The following DLG1 variants were observed in gnomAD, a reference collection of about 807,000 sequenced individuals.
The protein encoded by DLG1 is discs large MAGUK scaffold protein 1.
DLG1 carries 42 observed loss-of-function variants against 123.4 expected under a neutral mutation model. The ratio of observed to expected loss-of-function variants is 0.34; its 90% CI spans 0.27 to 0.44. DLG1 has a LOEUF of 0.44. Among genes scored for constraint, DLG1 ranks in the 20% least tolerant of loss-of-function variants. DLG1 has a pLI of 1.00. For missense variants in DLG1, 942 were observed against 1,082.6 expected (o/e 0.87, Z 1.82); for synonymous variants, 317 against 356.2 (o/e 0.89, Z 1.24).
intron 4 of DLG1, among the ~76,000 whole-genome samples, chr3:197,246,154 C>T (rs188658547): frequency 6.6e-5 from 10 of 152,262 alleles, no homozygotes; most frequent in East Asian, 5.8e-4. Flanking sequence ...CTTTCTGACT[C>T]GACTTCTGCG....
chr3:197,231,921 C>A (rs1743340198), intron 4 of DLG1, among the ~76,000 whole-genome samples: 2 of 93,670 alleles, frequency 2.1e-5, no homozygotes. Flanking sequence ...AAGAAATGAA[C>A]AAATTAAACT....
At position 197,282,762 on chromosome 3, in the gene DLG1, C is replaced by T. The variant is rs770063351; in HGVS notation, c.235G>A (p.Val79Met). The part of the protein sequence containing the change: ...RSKPSEPIQP[V>M]NTWEISSLPS... ...AGGCTGGAAATCTCCCAAGTATTCACAGGTTGAATTGGTTCAGACGGCTTT... is the reference window on the plus strand; with the variant it reads ...AGGCTGGAAATCTCCCAAGTATTCATAGGTTGAATTGGTTCAGACGGCTTT... Residue 79 changes from valine (V) to methionine (M), a missense_variant, in exon 4 of 25, where the codon GTG becomes ATG. Transcript: ENST00000667157. The T allele has an allele frequency of 3.1e-6, 5 of 1,612,338 alleles. No individual in the cohort carries two copies. Among genetic ancestry groups the T allele is most frequent in the Non-Finnish European group, 4.2e-6 (5 of 1,179,046 alleles).
At chr3:197,124,103 G>A (rs1777787342) in intron 11 of DLG1, among the ~76,000 whole-genome samples, 1 of 152,104 alleles carries the variant, frequency 6.6e-6, no homozygotes, top group African/African-American at 2.4e-5. Flanking sequence ...AAATTAGCTG[G>A]GCATGCTATC....
intron 4 of DLG1, among the ~76,000 whole-genome samples, chr3:197,268,619 A>G (rs1762671137): frequency 6.6e-6 from 1 of 151,664 alleles, no homozygotes; most frequent in Non-Finnish European, 1.5e-5. Flanking sequence ...GGGTCTCCCT[A>G]TGCTGCCCAG....
chr3:197,236,669 G>A (rs1236652147), intron 4 of DLG1, among the ~76,000 whole-genome samples: 2 of 152,164 alleles, frequency 1.3e-5, no homozygotes, highest in Non-Finnish European at 2.9e-5. Context: ...GGGGACAGGG[G>A]AAAGCTACAG....
At chr3:197,245,994 C>T (rs993347697) in intron 4 of DLG1, among the ~76,000 whole-genome samples, 16 of 149,778 alleles carry the variant, frequency 1.1e-4, no homozygotes, top group African/African-American at 2.2e-4. Flanking sequence ...GATGAGACTT[C>T]GTTTAGTCCA....
At chr3:197,246,516 C>T (rs1187110012) in intron 4 of DLG1, among the ~76,000 whole-genome samples, 1 of 152,098 alleles carries the variant, frequency 6.6e-6, no homozygotes, top group Non-Finnish European at 1.5e-5. Context: ...TCAAGTTTCC[C>T]CCAAAGGTTA....
At chr3:197,278,176 G>A (rs1001984045) in intron 4 of DLG1, among the ~76,000 whole-genome samples, 24 of 148,486 alleles carry the variant, frequency 1.6e-4, no homozygotes, top group African/African-American at 5.7e-4. Flanking sequence ...CCAGCTACTC[G>A]GGAGGCTGAG....
intron 2 of DLG1, 198 bp downstream of exon 2, chr3:197,296,988 G>A (rs1777742059): frequency 4.8e-6 from 3 of 619,002 alleles, no homozygotes; most frequent in East Asian, 6.4e-5. Flanking sequence ...AATCACTAGA[G>A]AAATGTTAAG....
chr3:197,089,740 AAAG>A, intron 15 of DLG1, among the ~76,000 whole-genome samples: 1 of 152,208 alleles, frequency 6.6e-6, no homozygotes, highest in East Asian at 1.9e-4. Context: ...AAAGTGTAAA[AAAG>A]AGAGTAGAAA....
At chr3:197,116,184 C>A in intron 12 of DLG1, 101 bp from the exon 13 acceptor site, 1 of 876,398 alleles carries the variant, frequency 1.1e-6, no homozygotes. Flanking sequence ...TATCAAACTA[C>A]AAAGAAAGCT....
intron 3 of DLG1, among the ~76,000 whole-genome samples, chr3:197,289,467 A>G (rs937860632): frequency 6.6e-6 from 1 of 152,176 alleles, no homozygotes; most frequent in African/African-American, 2.4e-5. Flanking sequence ...TCTGATCTCA[A>G]ATGTTTTATA....
chr3:197,154,168 G>C (rs1252982983), intron 5 of DLG1, among the ~76,000 whole-genome samples: 1 of 151,912 alleles, frequency 6.6e-6, no homozygotes, highest in Non-Finnish European at 1.5e-5. Flanking sequence ...TGGGTGTGGT[G>C]GCAGGTGCCT....
chr3:197,215,824 A>C (rs1292618415), intron 4 of DLG1, among the ~76,000 whole-genome samples: 1 of 152,188 alleles, frequency 6.6e-6, no homozygotes, highest in Non-Finnish European at 1.5e-5. Flanking sequence ...AATGACAAAG[A>C]ATCTGAGGAG....
intron 17 of DLG1, among the ~76,000 whole-genome samples, chr3:197,077,427 G>A (rs1748011940): frequency 6.6e-6 from 1 of 151,928 alleles, no homozygotes; most frequent in African/African-American, 2.4e-5. Flanking sequence ...GAATGCTTCA[G>A]TACTGAAGTC....
At chr3:197,264,403 C>T (rs1352096641) in intron 4 of DLG1, among the ~76,000 whole-genome samples, 2 of 152,112 alleles carry the variant, frequency 1.3e-5, no homozygotes, top group African/African-American at 2.4e-5. Flanking sequence ...AGACAATACT[C>T]GTTGGAGCAT....
intron 5 of DLG1, among the ~76,000 whole-genome samples, chr3:197,157,598 T>C (rs1796932299): frequency 6.6e-6 from 1 of 152,190 alleles, no homozygotes; most frequent in African/African-American, 2.4e-5. Context: ...GACTTACTAT[T>C]GCAAAAATGT....
chr3:197,259,439 T>C (rs758471175), intron 4 of DLG1, among the ~76,000 whole-genome samples: 8 of 152,338 alleles, frequency 5.3e-5, no homozygotes, highest in Non-Finnish European at 8.8e-5. Flanking sequence ...GAAAGAGTAA[T>C]AGCCTCTACT....
intron 5 of DLG1, among the ~76,000 whole-genome samples, chr3:197,172,585 CTT>C (rs1804785723): frequency 6.6e-6 from 1 of 152,136 alleles, no homozygotes; most frequent in South Asian, 2.1e-4. Flanking sequence ...AAGAAATCAA[CTT>C]AATCAGCACT....
Sources: gnomAD v4.1 joint callset for allele counts (sites outside exome capture counted in the v4.1 genomes callset) on GRCh38, gnomAD v4.1.1 for gene constraint, MANE v1.5 for transcripts, NCBI Gene and HGNC (gene_info 2026-07-23, HGNC 2026-07-21) for gene names.